The following RYR1 variants were observed in gnomAD, a reference collection of about 807,000 sequenced individuals.
RYR1 encodes ryanodine receptor 1.
In RYR1, 342 loss-of-function variants were observed where a neutral mutation model predicts 583.5. The ratio of observed to expected loss-of-function variants is 0.59; its 90% confidence interval spans 0.54 to 0.64. RYR1 has a LOEUF of 0.64. RYR1 is among the 30% of genes least tolerant of loss of function. RYR1 has a pLI of 0.00. For missense variants in RYR1, 6,032 were observed against 6,917.2 expected, an observed-to-expected ratio of 0.87 and a Z score of 4.54; for synonymous variants, 2,791 against 2,822.5, an observed-to-expected ratio of 0.99 and a Z score of 0.35.
At chr19:38,566,827 GAGAA>G in intron 91 of RYR1, 80 bp from the exon 92 acceptor site, 2 of 1,552,328 alleles carry the variant, frequency 1.3e-6, no homozygotes, top group Non-Finnish European at 1.7e-6. Context: ...GGAAATAAGA[GAGAA>G]AGGAGATGAG....
chr19:38,578,037 G>T lies in RYR1; in HGVS notation c.14292G>T (p.Gly4764=). Residue 4764 remains glycine, a synonymous_variant, in exon 98 of 106, where the codon GGG becomes GGT. Transcript: ENST00000359596. Reference sequence around the variant, plus strand: ...AGCGCAAGCCCAACCCGCCGCCAGGGCTGCTGACCTGGTGAGCCCAGGACA... The same window carrying T: ...AGCGCAAGCCCAACCCGCCGCCAGGTCTGCTGACCTGGTGAGCCCAGGACA... The part of the protein sequence containing the change: ...HNERKPNPPP[G]LLTWLMSIDV... 1.2e-6 allele frequency: 2 copies of T among 1,614,114 alleles called. No individual in the cohort carries two copies. The highest frequency in any genetic ancestry group is 1.6e-4 in the Middle Eastern group (1 of 6,062).
chr19:38,460,098 C>G (rs1054513482), intron 19 of RYR1, among the ~76,000 whole-genome samples: 2 of 152,230 alleles, frequency 1.3e-5, no homozygotes, highest in Admixed American at 1.3e-4. Flanking sequence ...CTCTGAAGGA[C>G]TGTTCCATGA....
At chr19:38,505,210 G>A (rs1970386638) in intron 52 of RYR1, 99 bp from the exon 53 acceptor site, 3 of 1,174,250 alleles carry the variant, frequency 2.6e-6, no homozygotes, top group African/African-American at 3.1e-5. Flanking sequence ...AGCTTGTTCT[G>A]GGACCCCCCC....
rs376307905 is a variant in RYR1, at chr19:38,500,785, G to T, written c.7445-36G>T. On this transcript the variant is annotated intron_variant, in intron 46 of 105. Transcript: ENST00000359596. This position sits in a 1 kb window ranked among gnomAD's most constrained non-coding sequence, Gnocchi z 5.9. ...TGCTGGGGAGGGAGCGGCTGGGTCC[G>T]CAGGGCATCCCCGAACCCACCCTCC... 28 of 1,613,808 alleles carry T rather than the reference G, an allele frequency of 1.7e-5. No homozygotes were observed. The highest frequency in any genetic ancestry group is 2.3e-5 in the Non-Finnish European group (27 of 1,179,996).
At chr19:38,467,861 A>G (rs1007179777) in intron 25 of RYR1, 49 bp downstream of exon 25, 12 of 1,584,644 alleles carry the variant, frequency 7.6e-6, no homozygotes, top group Admixed American at 5.2e-5. Context: ...GGTCTCTCCC[A>G]CAGCTTGTCT....
At chr19:38,527,550 C>T (rs2145719261) in intron 72 of RYR1, 97 bp from the exon 73 acceptor site, 4 of 1,485,056 alleles carry the variant, frequency 2.7e-6, no homozygotes, top group South Asian at 1.2e-5. Flanking sequence ...TCAACATGCA[C>T]TCACCCATTG....
intron 58 of RYR1, among the ~76,000 whole-genome samples, chr19:38,508,197 AT>A (rs1376795108): frequency 4.6e-5 from 7 of 151,816 alleles, no homozygotes; most frequent in African/African-American, 1.7e-4. Context: ...TTTTATTTTT[AT>A]TTTTTATTTT....
At position 38,469,400 on chromosome 19, in the gene RYR1, C is replaced by T. The variant is rs751888460; in HGVS notation, c.3652C>T (p.Leu1218Phe). The T allele has an allele frequency of 2.5e-6, 4 of 1,614,162 alleles. No homozygotes were observed. The South Asian group carries it at 4.4e-5, about 18-fold the overall frequency. Reference protein sequence around the residue: ...SSLRFFAICGLQEGFEPFAIN... With the variant: ...SSLRFFAICGFQEGFEPFAIN... Reference sequence around the variant, plus strand: ...TCTGAGGTTCTTTGCCATCTGTGGCCTCCAGGAAGGCTTCGAGCCATTTGC... The same window carrying T: ...TCTGAGGTTCTTTGCCATCTGTGGCTTCCAGGAAGGCTTCGAGCCATTTGC... Residue 1218 changes from leucine to phenylalanine, a missense_variant, in exon 27 of 106, where the codon CTC becomes TTC. Transcript: ENST00000359596.
At chr19:38,469,246 C>T (rs1600719528) in intron 26 of RYR1, 59 bp from the exon 27 acceptor site, 36 of 1,605,654 alleles carry the variant, frequency 2.2e-5, no homozygotes, top group Non-Finnish European at 2.7e-5. Flanking sequence ...CTCCTCCCCT[C>T]GGCTCCCTCT....
rs77022898 is a variant in RYR1, at chr19:38,502,212, C to T, written c.7615-295C>T. On this transcript the variant is annotated intron_variant, in intron 47 of 105. Coordinates refer to ENST00000359596, the MANE Select transcript of RYR1 (RefSeq NM_000540.3). ...AGATGAGGGTTAGAGAGGAGATAAG[C>T]GTGCAGACCATTGATATTTACAGAA... 0.05 allele frequency among the ~76,000 whole-genome samples: 7,577 copies of T among 152,120 alleles called. 247 individuals are homozygous for T. The highest frequency in any genetic ancestry group is 0.082 in the African/African-American group (3,405 of 41,474).
Position 38,448,792 on chromosome 19 carries a change from G to A in RYR1, c.1101G>A (p.Arg367=). 6.2e-7 allele frequency: 1 copy of A among 1,614,032 alleles called. No homozygotes were observed. Among genetic ancestry groups the A allele is most frequent in the Non-Finnish European group, 8.5e-7 (1 of 1,180,022 alleles). ...CTGCTCCAGACCCCAAGGCCCTGCG[G>A]CTCGGCGTGCTCAAGAAGAAGGTGG... ...TYAAPDPKAL[R]LGVLKKKAML... is the part of the protein sequence containing the mutation. Residue 367 remains arginine, a synonymous_variant, in exon 11 of 106, where the codon CGG becomes CGA. Coordinates refer to ENST00000359596, the MANE Select transcript of RYR1 (RefSeq NM_000540.3).
At chr19:38,584,464 CCT>C (rs1974366615) in intron 101 of RYR1, among the ~76,000 whole-genome samples, 1 of 101,876 alleles carries the variant, frequency 9.8e-6, no homozygotes, top group Non-Finnish European at 2.0e-5. Flanking sequence ...TGGCCCTGAC[CCT>C]TCTGCCTGTA....
At chr19:38,476,388 G>A (rs772445850) in intron 29 of RYR1, among the ~76,000 whole-genome samples, 12 of 152,174 alleles carry the variant, frequency 7.9e-5, no homozygotes, top group South Asian at 4.2e-4. Context: ...TAGTAGAAAC[G>A]GGGTTTCACC....
chr19:38,538,631 G>A (rs956273271), intron 84 of RYR1: 1 of 152,368 alleles, frequency 6.6e-6, no homozygotes, highest in African/African-American at 2.4e-5. Context: ...AAAGACCTAA[G>A]GGAAAAAACT....
At chr19:38,465,851 G>T (rs1344155499) in intron 23 of RYR1, among the ~76,000 whole-genome samples, 1 of 152,218 alleles carries the variant, frequency 6.6e-6, no homozygotes, top group Non-Finnish European at 1.5e-5. Flanking sequence ...GGGTCCCAAA[G>T]TCAAGACAAA....
chr19:38,571,137 G>C (rs559016527), intron 94 of RYR1, among the ~76,000 whole-genome samples: 1 of 152,198 alleles, frequency 6.6e-6, no homozygotes, highest in Non-Finnish European at 1.5e-5. Context: ...GAAGGACAAA[G>C]GGACCCTTGG....
In RYR1 at chr19:38,439,915, T is replaced by C. The variant is rs545711761; in HGVS notation, c.46-830T>C. Among the ~76,000 whole-genome samples, 11 of 152,294 alleles carry C rather than the reference T, an allele frequency of 7.2e-5. No homozygotes were observed. The South Asian group carries it at 1.7e-3, about 23-fold the overall frequency. On this transcript the variant is annotated intron_variant, in intron 1 of 105. Coordinates refer to ENST00000359596, the MANE Select transcript of RYR1 (RefSeq NM_000540.3). ...ATAAAGATAAAATAGCAGTCTATTA[T>C]TAAAACAACACGCAAAAGAGAGAAT...
Position 38,485,770 on chromosome 19 carries a change from A to G in RYR1, c.5115A>G (p.Pro1705=), listed in dbSNP as rs1446241725. 6.2e-7 allele frequency: 1 copy of G among 1,613,084 alleles called. No individual in the cohort carries two copies. ...TGGAGGACGCGCACCTGCCAGGCCC[A>G]CTGCGCGCAGGCTACTATGACCTCC... is the stretch of plus-strand genomic sequence containing the variant. The part of the protein sequence containing the change: ...HALEDAHLPG[P]LRAGYYDLLI... The change falls in exon 34 of 106, where the codon CCA becomes CCG. Residue 1705 remains proline, a synonymous_variant. Transcript: ENST00000359596.
At chr19:38,547,715 T>C (rs1230185365) in intron 88 of RYR1, among the ~76,000 whole-genome samples, 1 of 146,854 alleles carries the variant, frequency 6.8e-6, no homozygotes, top group African/African-American at 2.6e-5. Flanking sequence ...ACATCATCAT[T>C]ATCTTTTTTT....
Sources: gnomAD v4.1 joint callset for allele counts (sites outside exome capture counted in the v4.1 genomes callset) on GRCh38, gnomAD v4.1.1 for gene constraint, Gnocchi (gnomAD v3.1) non-coding constraint, MANE v1.5 for transcripts, NCBI Gene and HGNC (gene_info 2026-07-23, HGNC 2026-07-21) for gene names.